Variants in MAMDC2 observed in about 807,000 individuals in gnomAD.
MAMDC2 encodes MAM domain containing 2, also known as MAM domain-containing protein 2.
Under a neutral mutation model 89.8 loss-of-function variants are expected in MAMDC2, and 57 were observed. That is an observed-to-expected ratio of 0.63 (90% CI 0.51 to 0.79). MAMDC2 has a LOEUF of 0.79. Among genes scored for constraint, MAMDC2 ranks in the 30% least tolerant of loss-of-function variants. The pLI is 0.00. For synonymous variants in MAMDC2, 313 were observed against 293.4 expected (o/e 1.07, Z -0.68); for missense variants, 800 against 820.6 (o/e 0.97, Z 0.31).
intron 2 of MAMDC2, among the ~76,000 whole-genome samples, chr9:70,055,206 A>C (rs948447689): frequency 6.9e-6 from 1 of 145,360 alleles, no homozygotes; most frequent in Admixed American, 6.8e-5. Context: ...ATAGTTATGC[A>C]ATAGCTTCCT....
At chr9:70,090,864 C>G (rs1462316833) in intron 2 of MAMDC2, 1 of 151,944 alleles carries the variant, frequency 6.6e-6, no homozygotes, top group Non-Finnish European at 1.5e-5. Flanking sequence ...CACAAGGGCA[C>G]CAATTAATTA....
At chr9:70,209,337 C>A (rs1365265247) in intron 11 of MAMDC2, among the ~76,000 whole-genome samples, 2 of 152,120 alleles carry the variant, frequency 1.3e-5, no homozygotes, top group African/African-American at 4.8e-5. Flanking sequence ...AGGGATTCAA[C>A]TTCTTCCTGG....
At chr9:70,206,567 G>A (rs1233726050) in intron 11 of MAMDC2, among the ~76,000 whole-genome samples, 1 of 152,078 alleles carries the variant, frequency 6.6e-6, no homozygotes, top group Non-Finnish European at 1.5e-5. Flanking sequence ...TCTTCCAAAA[G>A]CAGCACAATT....
At chr9:70,097,726 A>G (rs1248184796) in intron 2 of MAMDC2, among the ~76,000 whole-genome samples, 1 of 152,170 alleles carries the variant, frequency 6.6e-6, no homozygotes, top group Non-Finnish European at 1.5e-5. Context: ...ATAAAGTTGC[A>G]TTGCAAATCA....
intron 9 of MAMDC2, among the ~76,000 whole-genome samples, chr9:70,163,719 T>G (rs1428129251): frequency 6.6e-6 from 1 of 151,938 alleles, no homozygotes; most frequent in Non-Finnish European, 1.5e-5. Context: ...TCTGGGAGGC[T>G]GAGGCAGGCA....
At chr9:70,052,629 A>T (rs1826939165) in intron 2 of MAMDC2, among the ~76,000 whole-genome samples, 1 of 152,204 alleles carries the variant, frequency 6.6e-6, no homozygotes, top group African/African-American at 2.4e-5. Flanking sequence ...TGTCTCTGAG[A>T]ACAGGAATCA....
chr9:70,142,014 C>T (rs2031240903), intron 8 of MAMDC2, among the ~76,000 whole-genome samples: 1 of 152,172 alleles, frequency 6.6e-6, no homozygotes, highest in African/African-American at 2.4e-5. Flanking sequence ...CCTGCCTCTG[C>T]TATTTCTCAA....
chr9:70,155,591 C>T (rs958127950), intron 9 of MAMDC2, among the ~76,000 whole-genome samples: 45 of 152,180 alleles, frequency 3.0e-4, no homozygotes, highest in Non-Finnish European at 5.4e-4. Flanking sequence ...CATTCGACAC[C>T]GATGAACAAT....
At chr9:70,188,245 AT>A (rs1346435886) in intron 11 of MAMDC2, among the ~76,000 whole-genome samples, 1 of 152,184 alleles carries the variant, frequency 6.6e-6, no homozygotes, top group Non-Finnish European at 1.5e-5. Context: ...TAGTTGGATC[AT>A]TTTTTCAATT....
chr9:70,221,672 G>A (rs926437410), intron 12 of MAMDC2, among the ~76,000 whole-genome samples: 1 of 151,904 alleles, frequency 6.6e-6, no homozygotes. Context: ...TGATAAATAA[G>A]TGAGGTGACA....
intron 2 of MAMDC2, among the ~76,000 whole-genome samples, chr9:70,057,985 C>T (rs1447365095): frequency 5.3e-5 from 8 of 152,076 alleles, no homozygotes; most frequent in Non-Finnish European, 2.9e-5. Context: ...CCTTGATAAT[C>T]GTTTAAAAAT....
intron 2 of MAMDC2, among the ~76,000 whole-genome samples, chr9:70,101,748 AC>A: frequency 6.6e-6 from 1 of 152,278 alleles, no homozygotes; most frequent in Admixed American, 6.5e-5. Flanking sequence ...TGACAAAATC[AC>A]CCAATGATGA....
At chr9:70,168,328 C>T (rs1426102389) in intron 9 of MAMDC2, among the ~76,000 whole-genome samples, 2 of 152,112 alleles carry the variant, frequency 1.3e-5, no homozygotes, top group African/African-American at 4.8e-5. Flanking sequence ...CCCGTCTCTA[C>T]TAAAAATACA....
intron 2 of MAMDC2, among the ~76,000 whole-genome samples, chr9:70,050,583 A>T (rs528810162): frequency 4.9e-4 from 75 of 152,336 alleles, no homozygotes; most frequent in Admixed American, 7.2e-4. Flanking sequence ...ATACATTAAT[A>T]CGTTTAACAC....
chr9:70,160,143 G>A (rs1262273815), intron 9 of MAMDC2, among the ~76,000 whole-genome samples: 2 of 152,012 alleles, frequency 1.3e-5, no homozygotes, highest in Non-Finnish European at 2.9e-5. Context: ...ATCCAGGAGG[G>A]AGAGGTTGCA....
At chr9:70,155,031 G>A (rs577661174) in intron 9 of MAMDC2, among the ~76,000 whole-genome samples, 117 of 151,982 alleles carry the variant, frequency 7.7e-4, no homozygotes, top group African/African-American at 2.4e-3. Context: ...TTGCTTCCAC[G>A]TCATACCCTC....
At chr9:70,110,460 A>G (rs1828478067) in intron 4 of MAMDC2, among the ~76,000 whole-genome samples, 1 of 152,208 alleles carries the variant, frequency 6.6e-6, no homozygotes, top group African/African-American at 2.4e-5. Flanking sequence ...CTGGAGCAGG[A>G]GTTTCAAGAA....
chr9:70,148,660 CG>C (rs2031481176), intron 9 of MAMDC2, among the ~76,000 whole-genome samples: 2 of 149,042 alleles, frequency 1.3e-5, no homozygotes, highest in South Asian at 2.2e-4. Context: ...TTTGGGAGGC[CG>C]AGACAGGCAT....
intron 9 of MAMDC2, among the ~76,000 whole-genome samples, chr9:70,145,835 C>T (rs1190343109): frequency 6.6e-6 from 1 of 151,986 alleles, no homozygotes; most frequent in Non-Finnish European, 1.5e-5. Flanking sequence ...GGCTCAGATC[C>T]TACCCTTGAA....
Sources: gnomAD v4.1 joint callset for allele counts (sites outside exome capture counted in the v4.1 genomes callset) on GRCh38, gnomAD v4.1.1 for gene constraint, MANE v1.5 for transcripts, NCBI Gene and HGNC (gene_info 2026-07-23, HGNC 2026-07-21) for gene names.